EYS: variants seen among roughly 807,000 people sequenced by gnomAD.
The protein encoded by EYS is protein eyes shut homolog.
Under a neutral mutation model 282.1 loss-of-function variants are expected in EYS, and 250 were observed. That is an observed-to-expected ratio of 0.89 (90% CI 0.80 to 0.98). The LOEUF (loss-of-function observed/expected upper bound fraction) is 0.98, where lower values mean the gene tolerates loss of function less well. Among genes scored for constraint, EYS ranks in the 50% least tolerant of loss-of-function variants. The probability of loss-of-function intolerance (pLI) is 0.00; values close to 1 mark genes in which losing one functional copy is unlikely to be tolerated. For synonymous variants in EYS, 1,355 were observed against 1,282.9 expected (o/e 1.06, Z -1.20); for missense variants, 4,016 against 3,709.0 (o/e 1.08, Z -2.15).
chr6:64,005,842 A>G (rs1419839055), intron 33 of EYS, among the ~76,000 whole-genome samples: 1 of 151,952 alleles, frequency 6.6e-6, no homozygotes, highest in African/African-American at 2.4e-5. Context: ...GTTTTTTTGT[A>G]CAAGTACCAT....
At position 64,321,135 on chromosome 6, in the gene EYS, C is replaced by T. The variant is rs79299929; in HGVS notation, c.6079-14053G>A. On this transcript the variant is annotated intron_variant, in intron 29 of 42. Transcript: ENST00000503581. Reference sequence around the variant, plus strand: ...TTTAACACATTTTTACTTGGCTTAGCGTTTATGCTTCAATGATTGCCCAAC... The same window carrying T: ...TTTAACACATTTTTACTTGGCTTAGTGTTTATGCTTCAATGATTGCCCAAC... Among the ~76,000 whole-genome samples the T allele has an allele frequency of 3.0e-4, 45 of 151,734 alleles. No individual in the cohort carries two copies. The East Asian group carries it at 3.1e-3, about 10-fold the overall frequency.
intron 32 of EYS, among the ~76,000 whole-genome samples, chr6:64,075,594 A>T (rs1771740593): frequency 6.6e-6 from 1 of 151,910 alleles, no homozygotes; most frequent in South Asian, 2.1e-4. Flanking sequence ...TTTTGATGCC[A>T]CGATTTTTAG....
At position 64,048,914 on chromosome 6, in the gene EYS, CT is replaced by C. The variant is rs150358065; in HGVS notation, c.6725+17423del. ...ATTCTCCTGCCATTCTTTTCCCCCC[CT>C]AGATGTTTGCTCATGCTGTTTCTCT... On this transcript the variant is annotated intron_variant, in intron 33 of 42. Coordinates refer to ENST00000503581, the MANE Select transcript of EYS (RefSeq NM_001142800.2). Among the ~76,000 whole-genome samples the C allele has an allele frequency of 7.2e-5, 11 of 152,078 alleles. No homozygotes were observed. The South Asian group carries it at 1.9e-3, about 26-fold the overall frequency.
In EYS at chr6:65,434,472, C is replaced by T. The variant is rs946462449; in HGVS notation, c.863-29105G>A. On this transcript the variant is annotated intron_variant, in intron 5 of 42. Transcript: ENST00000503581. ...AGTAGCTGGGACTACAGGCGCCCGC[C>T]ACCACGCCCAGCTAAATTTTTGTAT... 5.3e-5 allele frequency among the ~76,000 whole-genome samples: 8 copies of T among 152,146 alleles called. No homozygotes were observed. In the South Asian group the frequency reaches 1.0e-3, roughly 20 times the overall value.
intron 33 of EYS, among the ~76,000 whole-genome samples, chr6:64,023,783 G>A (rs541464435): frequency 2.6e-5 from 4 of 152,334 alleles, no homozygotes; most frequent in Admixed American, 1.3e-4. Flanking sequence ...GGAGGGACAG[G>A]CGCGGGTGGG....
intron 21 of EYS, chr6:64,815,371 T>G (rs956408671): frequency 8.7e-5 from 20 of 229,378 alleles, no homozygotes; most frequent in Non-Finnish European, 1.7e-4. Flanking sequence ...TAGATATGTA[T>G]AGAATGATTT....
intron 31 of EYS, among the ~76,000 whole-genome samples, chr6:64,192,641 A>T (rs1359918023): frequency 6.6e-6 from 1 of 152,168 alleles, no homozygotes; most frequent in Non-Finnish European, 1.5e-5. Flanking sequence ...TAGAAAGCTG[A>T]AACTGGAACC....
intron 40 of EYS, among the ~76,000 whole-genome samples, chr6:63,769,124 A>G (rs1562017620): frequency 6.6e-6 from 1 of 151,996 alleles, no homozygotes; most frequent in Non-Finnish European, 1.5e-5. Context: ...ATTGGGTACT[A>G]TGCTCACTAT....
At chr6:65,223,065 T>C (rs1766513116) in intron 12 of EYS, among the ~76,000 whole-genome samples, 2 of 152,090 alleles carry the variant, frequency 1.3e-5, no homozygotes, top group Admixed American at 6.6e-5. Context: ...AAAGCAATGA[T>C]AAATTTAACA....
intron 26 of EYS, among the ~76,000 whole-genome samples, chr6:64,566,788 T>A (rs1217547781): frequency 1.3e-5 from 2 of 152,068 alleles, no homozygotes; most frequent in East Asian, 1.9e-4. Context: ...ATATATATAT[T>A]TTTAAGACAG....
intron 30 of EYS, among the ~76,000 whole-genome samples, chr6:64,296,553 T>TAC (rs1768999533): frequency 2.0e-4 from 2 of 9,762 alleles, no homozygotes; most frequent in Admixed American, 1.2e-3. Flanking sequence ...TATATATATA[T>TAC]ATATATATAT....
chr6:64,304,706 A>C (rs1769372118), intron 30 of EYS, among the ~76,000 whole-genome samples: 1 of 152,204 alleles, frequency 6.6e-6, no homozygotes, highest in African/African-American at 2.4e-5. Flanking sequence ...GTTGAAAATC[A>C]AAAACAGAAG....
At chr6:64,808,508 C>T (rs773686136) in intron 22 of EYS, among the ~76,000 whole-genome samples, 3 of 151,996 alleles carry the variant, frequency 2.0e-5, no homozygotes, top group Non-Finnish European at 4.4e-5. Context: ...ATTTACAAAT[C>T]TGTTGCATAG....
intron 33 of EYS, among the ~76,000 whole-genome samples, chr6:64,064,950 T>C (rs1361494237): frequency 2.0e-5 from 3 of 152,240 alleles, no homozygotes; most frequent in Non-Finnish European, 4.4e-5. Context: ...TTGTTTTGTC[T>C]GTATAGAACT....
chr6:64,246,335 G>C (rs1284694562), intron 30 of EYS, among the ~76,000 whole-genome samples: 1 of 151,494 alleles, frequency 6.6e-6, no homozygotes, highest in African/African-American at 2.4e-5. Flanking sequence ...TTTTTTAGTT[G>C]CCATACTACC....
intron 33 of EYS, among the ~76,000 whole-genome samples, chr6:64,058,480 G>T (rs184242086): frequency 1.3e-5 from 2 of 152,266 alleles, no homozygotes; most frequent in East Asian, 3.9e-4. Flanking sequence ...TCCAGTTAAG[G>T]AGAGCTAGGG....
intron 22 of EYS, among the ~76,000 whole-genome samples, chr6:64,687,594 T>G (rs1770204093): frequency 6.6e-6 from 1 of 152,220 alleles, no homozygotes. Flanking sequence ...TGGATAAACT[T>G]TTTGATATGC....
At chr6:64,523,680 A>G (rs1410333702) in intron 26 of EYS, among the ~76,000 whole-genome samples, 1 of 151,710 alleles carries the variant, frequency 6.6e-6, no homozygotes, top group Non-Finnish European at 1.5e-5. Context: ...ATAAAAGATA[A>G]TAAAGAAAGA....
chr6:64,514,153 T>A (rs1301202825), intron 26 of EYS, among the ~76,000 whole-genome samples: 2 of 151,758 alleles, frequency 1.3e-5, no homozygotes, highest in African/African-American at 4.8e-5. Flanking sequence ...CCCTATTGAT[T>A]GTGATCTTCT....
Sources: gnomAD v4.1 joint callset for allele counts (sites outside exome capture counted in the v4.1 genomes callset) on GRCh38, gnomAD v4.1.1 for gene constraint, MANE v1.5 for transcripts, NCBI Gene and HGNC (gene_info 2026-07-23, HGNC 2026-07-21) for gene names.